Variants in DNER observed in about 807,000 individuals in gnomAD.
The protein encoded by DNER is delta and Notch-like epidermal growth factor-related receptor.
Under a neutral mutation model 78.2 loss-of-function variants are expected in DNER, and 33 were observed. The ratio of observed to expected loss-of-function variants is 0.42; its 90% confidence interval spans 0.32 to 0.56. DNER has a LOEUF of 0.56. DNER is among the 20% of genes least tolerant of loss of function. The pLI is 0.11. For missense variants in DNER, 918 were observed against 975.3 expected, an observed-to-expected ratio of 0.94 and a Z score of 0.78; for synonymous variants, 417 against 384.8, an observed-to-expected ratio of 1.08 and a Z score of -0.98.
Position 229,714,298 on chromosome 2 carries a change from C to T in DNER, c.126G>A (p.Leu42=). 7.6e-7 allele frequency: 1 copy of T among 1,320,710 alleles called. No homozygotes were observed. The allele number at this position is 1,320,710 out of a possible 1,614,324, so 81.8% of individuals were successfully genotyped here. The part of the protein sequence containing the change: ...SLANPVPAAP[L]SAPGPCAAQP... The stretch of plus-strand genomic sequence containing the variant: ...GCGCGGCGCACGGCCCGGGCGCAGA[C>T]AGGGGCGCGGCGGGCACCGGGTTGG... The change falls in exon 1 of 13, where the codon CTG becomes CTA. Residue 42 remains leucine (L), a synonymous_variant. Transcript: ENST00000341772.
At chr2:229,677,157 A>G (rs79724331) in intron 1 of DNER, among the ~76,000 whole-genome samples, 3,138 of 152,026 alleles carry the variant, frequency 0.021, 108 homozygotes, top group African/African-American at 0.071. Context: ...CATCAGCCTC[A>G]TTTTTGCTGA....
At chr2:229,360,789 G>T (rs1692193169) in intron 12 of DNER, among the ~76,000 whole-genome samples, 1 of 152,232 alleles carries the variant, frequency 6.6e-6, no homozygotes, top group African/African-American at 2.4e-5. Context: ...CAACTGAAGA[G>T]CAAGGAGCAC....
rs142686909 is a variant in DNER at position 229,698,553 on chromosome 2, T to C, written c.276+15595A>G. On this transcript the variant is annotated intron_variant, in intron 1 of 12. Transcript: ENST00000341772. ...AAAAACCTTGCATAAAATCGACTTG[T>C]GATTTTTAAAAAGGTGTCAGCATCG... Among the ~76,000 whole-genome samples, 343 of 152,296 alleles carry C rather than the reference T, an allele frequency of 2.3e-3. 1 individual carries two copies. Among genetic ancestry groups the C allele is most frequent in the Non-Finnish European group, 3.1e-3 (212 of 68,022 alleles).
chr2:229,580,610 A>T (rs1259453882), intron 4 of DNER, among the ~76,000 whole-genome samples: 3 of 152,200 alleles, frequency 2.0e-5, no homozygotes, highest in Non-Finnish European at 4.4e-5. Context: ...AGAGGAATAG[A>T]CTGGATCAAA....
intron 1 of DNER, among the ~76,000 whole-genome samples, chr2:229,630,239 A>G (rs1045905619): frequency 6.6e-6 from 1 of 152,042 alleles, no homozygotes; most frequent in African/African-American, 2.4e-5. Context: ...ACTTTGGGAG[A>G]CTGAGATGAG....
intron 1 of DNER, among the ~76,000 whole-genome samples, chr2:229,596,179 T>C (rs1697711027): frequency 6.6e-6 from 1 of 152,158 alleles, no homozygotes; most frequent in South Asian, 2.1e-4. Flanking sequence ...ATTTACTAAA[T>C]GAATGAATGA....
chr2:229,684,627 GAAATTTACC>G (rs941538965), intron 1 of DNER, among the ~76,000 whole-genome samples: 19 of 152,084 alleles, frequency 1.2e-4, no homozygotes, highest in African/African-American at 4.6e-4. Context: ...TCTAGAGCTG[GAAATTTACC>G]TTGAATTTAC....
At chr2:229,599,366 C>CA (rs1389555340) in intron 1 of DNER, among the ~76,000 whole-genome samples, 1 of 152,130 alleles carries the variant, frequency 6.6e-6, no homozygotes, top group Non-Finnish European at 1.5e-5. Flanking sequence ...TCTTATTAAA[C>CA]AAAGAACAAA....
chr2:229,486,965 G>A (rs1695289818), intron 6 of DNER, among the ~76,000 whole-genome samples: 1 of 152,152 alleles, frequency 6.6e-6, no homozygotes, highest in Non-Finnish European at 1.5e-5. Flanking sequence ...ACATGCTAGA[G>A]TTTGAAAACC....
chr2:229,583,965 G>A (rs1697449293), intron 4 of DNER, among the ~76,000 whole-genome samples: 1 of 152,060 alleles, frequency 6.6e-6, no homozygotes, highest in Non-Finnish European at 1.5e-5. Context: ...TCCCCCAGCT[G>A]GACTTCCAAA....
chr2:229,465,165 G>C (rs1221018153), intron 7 of DNER, among the ~76,000 whole-genome samples: 4 of 152,110 alleles, frequency 2.6e-5, no homozygotes, highest in African/African-American at 9.7e-5. Context: ...CAATAGCAAA[G>C]ACATGGAATC....
intron 1 of DNER, among the ~76,000 whole-genome samples, chr2:229,623,692 C>G (rs1040131508): frequency 6.6e-6 from 1 of 152,212 alleles, no homozygotes; most frequent in African/African-American, 2.4e-5. Context: ...GGGAGGTGGG[C>G]ACAGAGCTGC....
chr2:229,638,598 A>G (rs2154215957), intron 1 of DNER, among the ~76,000 whole-genome samples: 1 of 152,296 alleles, frequency 6.6e-6, no homozygotes, highest in South Asian at 2.1e-4. Flanking sequence ...AGAGACCTAA[A>G]AAGGGTATCT....
At position 229,591,586 on chromosome 2, in the gene DNER, T is replaced by C; in HGVS notation, c.579A>G (p.Gln193=). Residue 193 remains glutamine (Q), a synonymous_variant, in exon 2 of 13, where the codon CAA becomes CAG. Coordinates refer to ENST00000341772, the MANE Select transcript of DNER (RefSeq NM_139072.4). This position sits in a 1 kb window ranked among gnomAD's most constrained non-coding sequence, Gnocchi z 4.6. ...GQKVVEMKWD[Q]VEVIPDIACG... ...CATGATATAACGTTCTCACCTCCAC[T>C]TGATCCCATTTCATTTCTACAACTT... 6.2e-7 allele frequency: 1 copy of C among 1,613,818 alleles called. No homozygotes were observed. The highest frequency in any genetic ancestry group is 8.5e-7 in the Non-Finnish European group (1 of 1,179,794).
chr2:229,470,259 A>T (rs2154211119), intron 7 of DNER, among the ~76,000 whole-genome samples: 1 of 152,308 alleles, frequency 6.6e-6, no homozygotes, highest in East Asian at 1.9e-4. Flanking sequence ...GTATCATTTA[A>T]GTATTCATTC....
At chr2:229,400,552 C>T (rs555111659) in intron 10 of DNER, among the ~76,000 whole-genome samples, 3 of 151,858 alleles carry the variant, frequency 2.0e-5, no homozygotes, top group Non-Finnish European at 1.5e-5. Flanking sequence ...AAAAAATTAG[C>T]CACAAAACAA....
intron 1 of DNER, among the ~76,000 whole-genome samples, chr2:229,650,751 T>C (rs1379056128): frequency 6.6e-6 from 1 of 152,124 alleles, no homozygotes; most frequent in Non-Finnish European, 1.5e-5. Flanking sequence ...TCACTGTGCA[T>C]TGTCATTTCC....
rs904914336 is a variant in DNER at position 229,596,398 on chromosome 2, C to T, written c.277-4510G>A. ...GCTTTAAAAGGAGTAAAAGCTCTGT[C>T]GACCTGAGAGGTAAGACAGAACCAG... On this transcript the variant is annotated intron_variant, in intron 1 of 12. Transcript: ENST00000341772. 3.3e-5 allele frequency among the ~76,000 whole-genome samples: 5 copies of T among 152,338 alleles called. No individual in the cohort carries two copies. In the East Asian group the frequency reaches 5.8e-4, roughly 18 times the overall value.
At chr2:229,577,883 A>G (rs892609749) in intron 4 of DNER, among the ~76,000 whole-genome samples, 15 of 152,222 alleles carry the variant, frequency 9.9e-5, no homozygotes, top group African/African-American at 3.6e-4. Flanking sequence ...TAAAGATATT[A>G]CCAAGTTAAA....
Sources: allele counts gnomAD v4.1 joint callset (sites outside exome capture counted in the v4.1 genomes callset), GRCh38; gene constraint gnomAD v4.1.1; non-coding constraint Gnocchi (gnomAD v3.1); transcripts MANE v1.5; gene names NCBI Gene and HGNC (gene_info 2026-07-23, HGNC 2026-07-21).